LUZP1: variants seen among roughly 807,000 people sequenced by gnomAD.
LUZP1 encodes leucine zipper protein 1.
In LUZP1, 25 loss-of-function variants were observed where a neutral mutation model predicts 71.3. The observed-to-expected ratio is 0.35, with a 90% CI of 0.26 to 0.49. LUZP1 has a LOEUF of 0.49. Among genes scored for constraint, LUZP1 ranks in the 20% least tolerant of loss-of-function variants. The pLI is 0.99. For synonymous variants in LUZP1, 481 were observed against 506.4 expected (o/e 0.95, Z 0.67); for missense variants, 1,142 against 1,300.8 (o/e 0.88, Z 1.88).
At chr1:23,098,636 G>A (rs180962156) in intron 3 of LUZP1, among the ~76,000 whole-genome samples, 1 of 152,262 alleles carries the variant, frequency 6.6e-6, no homozygotes, top group Admixed American at 6.5e-5. Flanking sequence ...GACTCAGGGC[G>A]TCGACAGACG....
intron 2 of LUZP1, among the ~76,000 whole-genome samples, chr1:23,168,471 G>C (rs1470121390): frequency 1.3e-5 from 2 of 148,514 alleles, no homozygotes; most frequent in African/African-American, 5.0e-5. Flanking sequence ...CCACCAAGAA[G>C]TCTCCTCAGA....
chr1:23,166,211 T>C (rs1050618858), intron 2 of LUZP1, among the ~76,000 whole-genome samples: 7 of 152,210 alleles, frequency 4.6e-5, no homozygotes, highest in Non-Finnish European at 1.0e-4. Context: ...CTAGGTCTCA[T>C]GATTCCCAAG....
chr1:23,111,404 A>AT (rs1246384034), intron 2 of LUZP1, among the ~76,000 whole-genome samples: 3 of 151,214 alleles, frequency 2.0e-5, no homozygotes, highest in South Asian at 2.1e-4. Flanking sequence ...AAAAAAAAAA[A>AT]TTTTAATTAG....
intron 4 of LUZP1, chr1:23,090,699 C>T: frequency 1.6e-6 from 1 of 613,530 alleles, no homozygotes; most frequent in South Asian, 1.9e-5. Flanking sequence ...CCCGGCTCTC[C>T]TCATCCCTGA....
At chr1:23,133,769 A>G (rs922407586) in intron 2 of LUZP1, 1 of 88,858 alleles carries the variant, frequency 1.1e-5, no homozygotes, top group Non-Finnish European at 2.3e-5. Flanking sequence ...TCTCAAAAAT[A>G]AATAAATAAA....
At chr1:23,138,697 G>GTGTGTGTGTA (rs1401882473) in intron 2 of LUZP1, among the ~76,000 whole-genome samples, 1 of 135,938 alleles carries the variant, frequency 7.4e-6, no homozygotes, top group Non-Finnish European at 1.5e-5. Context: ...GTGTGTGTGT[G>GTGTGTGTGTA]TATATATATA....
chr1:23,152,806 C>G (rs1011370771), intron 2 of LUZP1, among the ~76,000 whole-genome samples: 1 of 152,156 alleles, frequency 6.6e-6, no homozygotes, highest in African/African-American at 2.4e-5. Flanking sequence ...GCTAGGATTA[C>G]AAGTGTGGGC....
chr1:23,134,848 G>T (rs951561327), intron 2 of LUZP1, among the ~76,000 whole-genome samples: 2 of 152,030 alleles, frequency 1.3e-5, no homozygotes, highest in African/African-American at 2.4e-5. Flanking sequence ...TTTAAGTTCA[G>T]GGGTACATAT....
chr1:23,142,451 T>TG (rs1644310632), intron 2 of LUZP1, among the ~76,000 whole-genome samples: 1 of 152,106 alleles, frequency 6.6e-6, no homozygotes, highest in Non-Finnish European at 1.5e-5. Flanking sequence ...CCTCCCACTT[T>TG]GAAAGCACAT....
At chr1:23,088,482 G>A (rs1643801959) in exon 5 of LUZP1, 1 of 166,236 alleles carries the variant, frequency 6.0e-6, no homozygotes, top group African/African-American at 2.4e-5. Context: ...AGTGGATATA[G>A]TGAGGAGACT....
intron 2 of LUZP1, among the ~76,000 whole-genome samples, chr1:23,144,503 A>G (rs1644328091): frequency 6.6e-6 from 1 of 152,230 alleles, no homozygotes; most frequent in African/African-American, 2.4e-5. Flanking sequence ...ACACCAACAG[A>G]TCATACTGGT....
intron 4 of LUZP1, among the ~76,000 whole-genome samples, chr1:23,089,601 C>CT (rs11458975): frequency 0.75 from 112,530 of 150,834 alleles, 42,854 homozygotes; most frequent in Non-Finnish European, 0.83. Flanking sequence ...AGAATTCTAC[C>CT]TTTTTTTTTG....
Position 23,091,336 on chromosome 1 carries a change from G to A in LUZP1, c.2926C>T (p.Arg976Ter), listed in dbSNP as rs150118576. The A allele has an allele frequency of 6.2e-7, 1 of 1,614,004 alleles. No individual in the cohort carries two copies. Among genetic ancestry groups the A allele is most frequent in the African/African-American group, 1.3e-5 (1 of 74,910 alleles). The change falls in exon 4 of 5, where the codon CGA becomes TGA. Residue 976 changes from arginine (R) to a stop codon, truncating the protein, a stop_gained. Coordinates refer to ENST00000302291, the Ensembl canonical transcript of LUZP1. LOFTEE classifies it high-confidence loss of function. ...TCCCCTGAACTTGGTCCTACCCTTC[G>A]AGTGCCCTGCTCAAAAAGGCAGGAC...
chr1:23,117,516 G>GCA (rs1557654121), intron 2 of LUZP1, among the ~76,000 whole-genome samples: 1 of 77,732 alleles, frequency 1.3e-5, no homozygotes, highest in African/African-American at 6.0e-5. Context: ...CTGGGGGGGG[G>GCA]GGCGGGGGGG....
At chr1:23,167,897 G>A (rs1644522732) in intron 2 of LUZP1, among the ~76,000 whole-genome samples, 1 of 152,012 alleles carries the variant, frequency 6.6e-6, no homozygotes, top group African/African-American at 2.4e-5. Flanking sequence ...GCTGGGCGGG[G>A]GCCGGGGGTG....
At chr1:23,178,070 A>T (rs1337302698), upstream of LUZP1, among the ~76,000 whole-genome samples, 1 of 152,212 alleles carries the variant, frequency 6.6e-6, no homozygotes, top group African/African-American at 2.4e-5. Context: ...GTCCGCGATC[A>T]AGTGGGCATG....
intron 2 of LUZP1, chr1:23,133,320 T>C (rs1644229018): frequency 6.6e-6 from 1 of 152,168 alleles, no homozygotes; most frequent in Non-Finnish European, 1.5e-5. Context: ...CAACCGCCAG[T>C]GTAATAATTG....
chr1:23,133,243 AT>A (rs1644228420), intron 2 of LUZP1, among the ~76,000 whole-genome samples: 1 of 152,250 alleles, frequency 6.6e-6, no homozygotes, highest in South Asian at 2.1e-4. Flanking sequence ...GCTCACAAGC[AT>A]TTTTAAAAAT....
chr1:23,096,453 T>C (rs1643892724), intron 3 of LUZP1, among the ~76,000 whole-genome samples: 1 of 152,110 alleles, frequency 6.6e-6, no homozygotes. Context: ...GTAAGAATTT[T>C]CAAGAGTTGA....
Sources: gnomAD v4.1 joint callset for allele counts (sites outside exome capture counted in the v4.1 genomes callset) on GRCh38, gnomAD v4.1.1 for gene constraint, MANE v1.5 for transcripts, NCBI Gene and HGNC (gene_info 2026-07-23, HGNC 2026-07-21) for gene names.